CLTRN: variants seen among roughly 807,000 people sequenced by gnomAD.
CLTRN encodes the protein collectrin, amino acid transport regulator.
Under a neutral mutation model 14.5 loss-of-function variants are expected in CLTRN, and 12 were observed. The ratio of observed to expected loss-of-function variants is 0.83; its 90% CI spans 0.53 to 1.34. The LOEUF is 1.34. CLTRN is among the 40% of genes most tolerant of loss of function. The pLI, the probability that CLTRN is intolerant of heterozygous loss-of-function variation, is 0.00. For missense variants in CLTRN, 154 were observed against 165.1 expected, an observed-to-expected ratio of 0.93 and a Z score of 0.37; for synonymous variants, 58 against 56.5, an observed-to-expected ratio of 1.03 and a Z score of -0.12.
intron 3 of CLTRN, among the ~76,000 whole-genome samples, chrX:15,655,438 T>C (rs1929330130): frequency 9.0e-6 from 1 of 111,477 alleles, no homozygotes; most frequent in South Asian, 3.8e-4. Context: ...ACTGATTTCC[T>C]CCACCTCGCC....
rs751003945 is a variant in CLTRN, at chrX:15,673,813, T to C, written c.-506+1176A>G. On this transcript the variant is annotated intron_variant, in intron 1 of 6. Coordinates refer to the CLTRN transcript ENST00000650271. ...AATCTCACTGCCATGGAGGGAAAAA[T>C]TGTAATCCTCTATACAAGTGAAAAG... 1.5e-4 allele frequency among the ~76,000 whole-genome samples: 17 copies of C among 112,242 alleles called. No individual in the cohort carries two copies. In the South Asian group the frequency reaches 6.3e-3, roughly 41 times the overall value.
intron 3 of CLTRN, 68 bp downstream of exon 3, chrX:15,658,947 GT>G: frequency 1.8e-6 from 1 of 551,729 alleles, no homozygotes; most frequent in East Asian, 4.3e-5. Context: ...CAAAATCAAG[GT>G]TTGAAATAAT....
chrX:15,674,847 AG>A (rs1275950148), intron 1 of CLTRN: 2 of 113,391 alleles, frequency 1.8e-5, no homozygotes, highest in African/African-American at 6.4e-5. Context: ...ACGCGTGACC[AG>A]AAGTGAAGGT....
At chrX:15,634,493 CATT>C (rs1280196656) in intron 5 of CLTRN, among the ~76,000 whole-genome samples, 8 of 109,497 alleles carry the variant, frequency 7.3e-5, no homozygotes, top group Admixed American at 2.9e-4. Flanking sequence ...TCACCATCAT[CATT>C]ATCACTACCA....
At chrX:15,658,750 T>C (rs1416474575) in intron 3 of CLTRN, among the ~76,000 whole-genome samples, 1 of 105,558 alleles carries the variant, frequency 9.5e-6, no homozygotes, top group East Asian at 2.9e-4. Flanking sequence ...ACACACACAA[T>C]AGAAATGTAG....
At chrX:15,675,455 CTTG>C (rs1285855108), upstream of CLTRN, 1 of 52,302 alleles carries the variant, frequency 1.9e-5, no homozygotes. Context: ...GTGGGCGTGC[CTTG>C]TTGCTCTGAG....
intron 5 of CLTRN, among the ~76,000 whole-genome samples, chrX:15,631,022 A>G (rs921988673): frequency 8.9e-6 from 1 of 112,146 alleles, no homozygotes; most frequent in African/African-American, 3.2e-5. Flanking sequence ...TTGAGCGTCT[A>G]CTATGTGTAT....
chrX:15,662,763 G>T (rs1231094864), intron 2 of CLTRN, among the ~76,000 whole-genome samples: 1 of 111,145 alleles, frequency 9.0e-6, no homozygotes, highest in East Asian at 2.8e-4. Context: ...CCTCCATATT[G>T]TCCAACACAA....
At chrX:15,672,319 T>C (rs1484407495) in intron 1 of CLTRN, among the ~76,000 whole-genome samples, 3 of 112,003 alleles carry the variant, frequency 2.7e-5, no homozygotes, top group Non-Finnish European at 3.8e-5. Context: ...GGTTCCACTG[T>C]TGCTCAGGTG....
intron 1 of CLTRN, among the ~76,000 whole-genome samples, chrX:15,672,558 G>A: frequency 9.0e-6 from 1 of 111,223 alleles, no homozygotes; most frequent in Admixed American, 9.6e-5. Flanking sequence ...TAGGTTATAT[G>A]CTCTCATTAA....
chrX:15,644,194 T>C lies in CLTRN; in HGVS notation c.317+722A>G, dbSNP rs1011587169. 5.3e-5 allele frequency among the ~76,000 whole-genome samples: 6 copies of C among 112,154 alleles called. No homozygotes were observed. The East Asian group carries it at 1.7e-3, about 31-fold the overall frequency. On this transcript the variant is annotated intron_variant, in intron 4 of 5. Transcript: ENST00000380342. Reference sequence around the variant, plus strand: ...AACAGAGTACTGGACTTTTTCCTGATTGTCCTGCTGAGAGCACCTTTCTAG... The same window carrying C: ...AACAGAGTACTGGACTTTTTCCTGACTGTCCTGCTGAGAGCACCTTTCTAG...
At position 15,655,350 on chromosome X, in the gene CLTRN, G is replaced by A. The variant is rs974149535; in HGVS notation, c.203+3666C>T. On this transcript the variant is annotated intron_variant, in intron 3 of 5. Transcript: ENST00000380342. ...TGGACGTCCAGATGCTCTCCACTCA[G>A]AATGCTCCTGTGGGGCCTTCAAGGG... 2.7e-5 allele frequency among the ~76,000 whole-genome samples: 3 copies of A among 112,258 alleles called. No homozygotes were observed. The Admixed American group carries it at 2.8e-4, about 10-fold the overall frequency.
At chrX:15,633,087 G>A (rs1928740160) in intron 5 of CLTRN, among the ~76,000 whole-genome samples, 1 of 110,324 alleles carries the variant, frequency 9.1e-6, no homozygotes, top group Non-Finnish European at 1.9e-5. Flanking sequence ...GTAGCACAGT[G>A]AGATTGATGG....
intron 3 of CLTRN, among the ~76,000 whole-genome samples, chrX:15,651,897 C>T (rs185453852): frequency 1.8e-5 from 2 of 111,006 alleles, no homozygotes; most frequent in East Asian, 5.6e-4. Flanking sequence ...GATTACTTTC[C>T]CGAAACTTTA....
At chrX:15,671,848 A>G (rs57848530) in intron 1 of CLTRN, among the ~76,000 whole-genome samples, 6,030 of 48,413 alleles carry the variant, frequency 0.12, 147 homozygotes, top group East Asian at 0.57. Context: ...ATGCGCGCAC[A>G]CACACACACA....
At chrX:15,629,267 T>C (rs1356475763) in intron 5 of CLTRN, among the ~76,000 whole-genome samples, 1 of 111,193 alleles carries the variant, frequency 9.0e-6, no homozygotes, top group Non-Finnish European at 1.9e-5. Context: ...GTCCCACCAC[T>C]ATGAGAGTCC....
At chrX:15,675,211 G>T (rs765930465), upstream of CLTRN, among the ~76,000 whole-genome samples, 2 of 112,392 alleles carry the variant, frequency 1.8e-5, no homozygotes, top group South Asian at 7.4e-4. Context: ...TCGAATTCGC[G>T]GGACGGTCGG....
At chrX:15,641,636 C>CTGTGTGTGTG (rs56407617) in intron 4 of CLTRN, among the ~76,000 whole-genome samples, 1,201 of 88,450 alleles carry the variant, frequency 0.014, 35 homozygotes, top group African/African-American at 0.049. Context: ...CCACACCTGG[C>CTGTGTGTGTG]TGTGTGTGTG....
At chrX:15,646,686 G>C (rs1261282456) in intron 3 of CLTRN, 1 of 341,533 alleles carries the variant, frequency 2.9e-6, no homozygotes, top group East Asian at 9.7e-5. Context: ...GATGGTTCCC[G>C]AGGCCTGGAG....
Sources: gnomAD v4.1 joint callset for allele counts (sites outside exome capture counted in the v4.1 genomes callset) on GRCh38, gnomAD v4.1.1 for gene constraint, MANE v1.5 for transcripts, NCBI Gene and HGNC (gene_info 2026-07-23, HGNC 2026-07-21) for gene names.